Variants in SYT1 observed in about 807,000 individuals in gnomAD.
The protein encoded by SYT1 is synaptotagmin-1.
SYT1 carries 8 observed loss-of-function variants against 44.8 expected under a neutral mutation model. The observed-to-expected ratio is 0.18, with a 90% CI of 0.10 to 0.32. The LOEUF is 0.32. Ranked by LOEUF, SYT1 falls within the 10% of genes least tolerant of loss-of-function variation. SYT1 has a pLI of 1.00. For missense variants in SYT1, 286 were observed against 509.3 expected (o/e 0.56, Z 4.22); for synonymous variants, 154 against 188.8 (o/e 0.82, Z 1.51).
intron 4 of SYT1, among the ~76,000 whole-genome samples, chr12:79,261,403 T>C (rs1298803178): frequency 3.3e-5 from 5 of 152,224 alleles, no homozygotes; most frequent in Non-Finnish European, 7.3e-5. Context: ...GATCCCATTG[T>C]CTAAGACTTA....
At chr12:79,403,585 T>C (rs1885144474) in intron 9 of SYT1, among the ~76,000 whole-genome samples, 13 of 152,098 alleles carry the variant, frequency 8.5e-5, no homozygotes, top group Admixed American at 8.5e-4. Context: ...CTTCAACATA[T>C]GAATTTAAGG....
At chr12:79,013,588 T>A (rs189900085) in intron 2 of SYT1, among the ~76,000 whole-genome samples, 31 of 152,328 alleles carry the variant, frequency 2.0e-4, no homozygotes, top group South Asian at 1.5e-3. Context: ...GAAGCATATT[T>A]CACTATATTT....
intron 3 of SYT1, among the ~76,000 whole-genome samples, chr12:79,088,681 C>T (rs1371906599): frequency 6.6e-6 from 1 of 151,360 alleles, no homozygotes. Context: ...TGGAGGAGCG[C>T]AAACATGGAG....
chr12:78,974,050 T>G (rs1868631939), intron 1 of SYT1, among the ~76,000 whole-genome samples: 1 of 140,852 alleles, frequency 7.1e-6, no homozygotes, highest in Admixed American at 7.3e-5. Flanking sequence ...ATTTTGTCAT[T>G]GGGTGAACAT....
intron 4 of SYT1, among the ~76,000 whole-genome samples, chr12:79,235,263 T>C (rs1345223371): frequency 6.6e-6 from 1 of 152,202 alleles, no homozygotes; most frequent in Non-Finnish European, 1.5e-5. Context: ...TGCTAACACT[T>C]GGAATTGTCT....
chr12:79,396,312 T>C (rs117987640), intron 9 of SYT1, among the ~76,000 whole-genome samples: 1,613 of 152,276 alleles, frequency 0.011, 10 homozygotes, highest in Non-Finnish European at 0.018. Context: ...AATATGTTGA[T>C]AATTCTTCAG....
intron 9 of SYT1, among the ~76,000 whole-genome samples, chr12:79,365,834 G>GGAAAAAAA (rs768045501): frequency 1.9e-5 from 2 of 104,130 alleles, no homozygotes; most frequent in South Asian, 3.0e-4. Context: ...AAGAGTACCA[G>GGAAAAAAA]AAAAAAAAAA....
chr12:79,230,187 T>G (rs1592875839), intron 4 of SYT1, among the ~76,000 whole-genome samples: 1 of 152,210 alleles, frequency 6.6e-6, no homozygotes, highest in South Asian at 2.1e-4. Context: ...TTTGCATGGC[T>G]CTCATATATG....
chr12:78,970,005 T>G (rs1244539092), intron 1 of SYT1, among the ~76,000 whole-genome samples: 1 of 152,134 alleles, frequency 6.6e-6, no homozygotes, highest in Non-Finnish European at 1.5e-5. Context: ...AACTGGTGTT[T>G]CAGATGAAGG....
intron 9 of SYT1, among the ~76,000 whole-genome samples, chr12:79,429,189 C>T (rs1291803608): frequency 6.6e-6 from 1 of 152,102 alleles, no homozygotes; most frequent in Non-Finnish European, 1.5e-5. Flanking sequence ...AACTATATCA[C>T]ATATGTTAAC....
In SYT1 at chr12:79,016,491, G is replaced by A. The variant is rs141163807; in HGVS notation, c.-83-30806G>A. On this transcript the variant is annotated intron_variant, in intron 2 of 10. Coordinates refer to ENST00000261205, the MANE Select transcript of SYT1 (RefSeq NM_005639.3). ...GTTATTTATAAATTGGGGAGGGAGA[G>A]CAACTTAAACTACATAGAGGTTAGT... Among the ~76,000 whole-genome samples the A allele has an allele frequency of 2.0e-4, 31 of 152,032 alleles. 1 individual carries two copies. The highest frequency in any genetic ancestry group is 3.9e-4 in the East Asian group (2 of 5,164).
At chr12:79,370,368 A>G (rs1883730501) in intron 9 of SYT1, among the ~76,000 whole-genome samples, 1 of 152,232 alleles carries the variant, frequency 6.6e-6, no homozygotes, top group Non-Finnish European at 1.5e-5. Flanking sequence ...TATTAACTAT[A>G]AAGACCTGAA....
In SYT1 at chr12:78,917,579, G is replaced by A. The variant is rs1405765915; in HGVS notation, c.-217+52470G>A. On this transcript the variant is annotated intron_variant, in intron 1 of 10. Transcript: ENST00000261205. ...TACATATGTAACAAACCTGCACGTT[G>A]TGCACATGTACCCTAGAACTTAAAG... is the stretch of plus-strand genomic sequence containing the variant. Among the ~76,000 whole-genome samples, 4 of 150,880 alleles carry A rather than the reference G, an allele frequency of 2.7e-5. No homozygotes were observed. The Admixed American group carries it at 2.7e-4, about 10-fold the overall frequency.
chr12:79,367,900 TA>T (rs11294874), intron 9 of SYT1, among the ~76,000 whole-genome samples: 3,183 of 149,590 alleles, frequency 0.021, 141 homozygotes, highest in East Asian at 0.16. Context: ...TACCTTTTTT[TA>T]AAAAAAAAAA....
Position 79,190,754 on chromosome 12 carries a change from A to G in SYT1, c.-17-26749A>G, listed in dbSNP as rs376421439. Among the ~76,000 whole-genome samples the G allele has an allele frequency of 6.6e-5, 10 of 152,238 alleles. No individual in the cohort carries two copies. In the East Asian group the frequency reaches 7.7e-4, roughly 12 times the overall value. On this transcript the variant is annotated intron_variant, in intron 3 of 10. Coordinates refer to ENST00000261205, the MANE Select transcript of SYT1 (RefSeq NM_005639.3). ...GATTGATGGAGTTAAAAAGCTTTTC[A>G]TTAGTTCTGTTAGCAAGGCTAATTT...
chr12:78,961,446 C>T (rs1238943571), intron 1 of SYT1, among the ~76,000 whole-genome samples: 1 of 152,082 alleles, frequency 6.6e-6, no homozygotes, highest in Admixed American at 6.6e-5. Flanking sequence ...CTCTTAAATT[C>T]TAATGATGCA....
At chr12:78,948,954 TATTA>T (rs1878815308) in intron 1 of SYT1, among the ~76,000 whole-genome samples, 1 of 9,820 alleles carries the variant, frequency 1.0e-4, no homozygotes, top group African/African-American at 3.0e-4. Context: ...AATCAAGGCC[TATTA>T]TATTATATTA....
At chr12:78,939,728 A>C (rs938562434) in intron 1 of SYT1, among the ~76,000 whole-genome samples, 1 of 152,180 alleles carries the variant, frequency 6.6e-6, no homozygotes, top group Non-Finnish European at 1.5e-5. Context: ...CCAGTGTTCA[A>C]AAAGAGATTA....
chr12:79,178,716 C>G (rs1872058213), intron 3 of SYT1, among the ~76,000 whole-genome samples: 1 of 151,494 alleles, frequency 6.6e-6, no homozygotes, highest in South Asian at 2.1e-4. Context: ...CACTTTTCTC[C>G]ATTTCATATG....
Sources: allele counts gnomAD v4.1 joint callset (sites outside exome capture counted in the v4.1 genomes callset), GRCh38; gene constraint gnomAD v4.1.1; transcripts MANE v1.5; gene names NCBI Gene and HGNC (gene_info 2026-07-23, HGNC 2026-07-21).